ABAT: variants seen among roughly 807,000 people sequenced by gnomAD.
The protein encoded by ABAT is 4-aminobutyrate aminotransferase, mitochondrial.
In ABAT, 45 loss-of-function variants were observed where a neutral mutation model predicts 64.6. That is an observed-to-expected ratio of 0.70 (90% confidence interval 0.55 to 0.89). The LOEUF (loss-of-function observed/expected upper bound fraction) is 0.89, where lower values mean the gene tolerates loss of function less well. Ranked by LOEUF, ABAT falls within the 40% of genes least tolerant of loss-of-function variation. The pLI is 0.00. For synonymous variants in ABAT, 297 were observed against 250.5 expected (o/e 1.19, Z -1.75); for missense variants, 633 against 658.4 (o/e 0.96, Z 0.42).
intron 8 of ABAT, 79 bp from the exon 9 acceptor site, chr16:8,766,129 A>C: frequency 7.4e-7 from 1 of 1,353,210 alleles, no homozygotes; most frequent in Middle Eastern, 1.8e-4. Flanking sequence ...GTCTGGACTG[A>C]ATATCGGTTT....
chr16:8,698,185 A>T (rs2057744846), intron 1 of ABAT, among the ~76,000 whole-genome samples: 1 of 152,182 alleles, frequency 6.6e-6, no homozygotes, highest in African/African-American at 2.4e-5. Flanking sequence ...TAGGGTTCCA[A>T]CTTTGCCTGC....
chr16:8,731,654 T>G (rs972753103), intron 1 of ABAT: 1 of 152,134 alleles, frequency 6.6e-6, no homozygotes, highest in Non-Finnish European at 1.5e-5. Flanking sequence ...TTAATTGTTA[T>G]TTTAAAAATC....
intron 1 of ABAT, among the ~76,000 whole-genome samples, chr16:8,710,344 A>G (rs1271117103): frequency 6.6e-6 from 1 of 151,986 alleles, no homozygotes; most frequent in African/African-American, 2.4e-5. Context: ...AATAACAGTA[A>G]CTCTCATTGG....
chr16:8,706,490 G>A (rs957323669), intron 1 of ABAT, among the ~76,000 whole-genome samples: 3 of 151,624 alleles, frequency 2.0e-5, no homozygotes, highest in African/African-American at 7.3e-5. Flanking sequence ...GAGGTGGGTG[G>A]ATCACTTGAG....
intron 4 of ABAT, among the ~76,000 whole-genome samples, chr16:8,749,997 G>T (rs2142718221): frequency 6.6e-6 from 1 of 152,336 alleles, no homozygotes; most frequent in Admixed American, 6.5e-5. Flanking sequence ...TTACAGGCAT[G>T]AGGCACTGCA....
intron 1 of ABAT, among the ~76,000 whole-genome samples, chr16:8,718,702 T>C (rs1034053060): frequency 2.0e-5 from 3 of 152,196 alleles, no homozygotes; most frequent in Non-Finnish European, 4.4e-5. Context: ...GGCAGGGTTT[T>C]AGAGAACAAC....
At position 8,735,769 on chromosome 16, in the gene ABAT, G is replaced by A. The variant is rs34813662; in HGVS notation, c.30G>A (p.Leu10=). 2.7e-3 allele frequency: 4,417 copies of A among 1,607,970 alleles called. 16 individuals are homozygous for A. The highest frequency in any genetic ancestry group is 3.4e-3 in the Non-Finnish European group (4,048 of 1,177,566). The stretch of plus-strand genomic sequence containing the variant: ...CCTCCATGTTGCTCGCCCAGCGCCT[G>A]GCCTGCAGCTTCCAGCACAGCTACC... MASMLLAQR[L]ACSFQHSYRL... is the part of the protein sequence containing the mutation. Residue 10 remains leucine (L), a synonymous_variant, in exon 2 of 16, where the codon CTG becomes CTA. Coordinates refer to ENST00000268251, the MANE Select transcript of ABAT (RefSeq NM_020686.6).
At chr16:8,736,507 TC>T (rs994522539) in intron 2 of ABAT, 5 of 151,922 alleles carry the variant, frequency 3.3e-5, no homozygotes, top group African/African-American at 1.2e-4. Flanking sequence ...ACATCTGGGA[TC>T]GCTGCTAAGG....
intron 1 of ABAT, among the ~76,000 whole-genome samples, chr16:8,692,314 T>C (rs971417309): frequency 6.6e-6 from 1 of 152,140 alleles, no homozygotes; most frequent in African/African-American, 2.4e-5. Flanking sequence ...AAATCAAGGC[T>C]GCAGTGAGCT....
chr16:8,682,142 G>A (rs1472986562), intron 1 of ABAT, among the ~76,000 whole-genome samples: 4 of 150,852 alleles, frequency 2.7e-5, no homozygotes, highest in African/African-American at 4.9e-5. Flanking sequence ...TAAGACAGCC[G>A]TGTATATCTA....
chr16:8,740,656 C>T (rs1026591228), intron 2 of ABAT, among the ~76,000 whole-genome samples: 6 of 152,282 alleles, frequency 3.9e-5, no homozygotes, highest in African/African-American at 7.2e-5. Flanking sequence ...ATTAAAGTGA[C>T]GATAGTTAAC....
intron 6 of ABAT, among the ~76,000 whole-genome samples, chr16:8,761,224 A>T (rs1304399382): frequency 1.1e-5 from 1 of 93,096 alleles, no homozygotes. Flanking sequence ...CTGCCCTCTC[A>T]CCTCGTCAGG....
intron 4 of ABAT, among the ~76,000 whole-genome samples, chr16:8,749,109 C>T (rs1382920333): frequency 2.6e-4 from 38 of 145,814 alleles, no homozygotes; most frequent in African/African-American, 8.7e-4. Flanking sequence ...TTTTTTTAGA[C>T]GGAGTTTTGC....
intron 1 of ABAT, among the ~76,000 whole-genome samples, chr16:8,723,244 A>C (rs530539357): frequency 6.6e-6 from 1 of 151,874 alleles, no homozygotes; most frequent in Non-Finnish European, 1.5e-5. Flanking sequence ...CAAAAAAATA[A>C]AGAGAGGAAG....
chr16:8,755,077 C>T (rs1440883801), intron 5 of ABAT, among the ~76,000 whole-genome samples: 5 of 152,174 alleles, frequency 3.3e-5, no homozygotes, highest in Non-Finnish European at 5.9e-5. Context: ...CTTTTCAGCA[C>T]GTTCTTTCTT....
At chr16:8,705,690 G>A (rs988670233) in intron 1 of ABAT, among the ~76,000 whole-genome samples, 3 of 152,160 alleles carry the variant, frequency 2.0e-5, no homozygotes, top group East Asian at 1.9e-4. Context: ...CAGGCAGTTC[G>A]TTGGTTGGTG....
At chr16:8,696,892 C>T (rs1256473345) in intron 1 of ABAT, among the ~76,000 whole-genome samples, 2 of 152,116 alleles carry the variant, frequency 1.3e-5, no homozygotes, top group Admixed American at 6.6e-5. Context: ...ATTTTTTCTC[C>T]TGGAAAACTG....
chr16:8,692,929 C>T (rs941313055), intron 1 of ABAT, among the ~76,000 whole-genome samples: 1 of 152,188 alleles, frequency 6.6e-6, no homozygotes, highest in Non-Finnish European at 1.5e-5. Context: ...TCTCAGCTCA[C>T]TGCAATCTCC....
Position 8,768,240 on chromosome 16 carries a change from C to T in ABAT, c.651C>T (p.Phe217=), listed in dbSNP as rs752732104. The change falls in exon 10 of 16, where the codon TTC becomes TTT. Residue 217 remains phenylalanine, a synonymous_variant. Transcript: ENST00000268251. ...GCATCCTCTCCTTCATGGGCGCGTT[C>T]CATGGGAGGACCATGGGTAAGGAGG... ...DYSILSFMGA[F]HGRTMGCLAT... 2.5e-6 allele frequency: 4 copies of T among 1,614,052 alleles called. No individual in the cohort carries two copies. Among genetic ancestry groups the T allele is most frequent in the Admixed American group, 3.3e-5 (2 of 60,008 alleles).
Sources: gnomAD v4.1 joint callset for allele counts (sites outside exome capture counted in the v4.1 genomes callset) on GRCh38, gnomAD v4.1.1 for gene constraint, MANE v1.5 for transcripts, NCBI Gene and HGNC (gene_info 2026-07-23, HGNC 2026-07-21) for gene names.